The following HSD17B12 variants were observed in gnomAD, a reference collection of about 807,000 sequenced individuals.
The protein encoded by HSD17B12 is very-long-chain 3-oxoacyl-CoA reductase.
Under a neutral mutation model 39.3 loss-of-function variants are expected in HSD17B12, and 32 were observed. That is an observed-to-expected ratio of 0.81 (90% CI 0.61 to 1.09). The LOEUF (loss-of-function observed/expected upper bound fraction) is 1.09, where lower values mean the gene tolerates loss of function less well. HSD17B12 is among the 50% of genes least tolerant of loss of function. The pLI is 0.00. For synonymous variants in HSD17B12, 150 were observed against 146.7 expected, an observed-to-expected ratio of 1.02 and a Z score of -0.16; for missense variants, 342 against 382.9, an observed-to-expected ratio of 0.89 and a Z score of 0.89.
intron 1 of HSD17B12, chr11:43,733,791 G>A: frequency 9.9e-6 from 7 of 707,198 alleles, no homozygotes; most frequent in South Asian, 8.3e-5. Context: ...CCATTGGCAA[G>A]TTTGGCCTGG....
At chr11:43,599,369 G>A in the HSD17B12 span, among the ~76,000 whole-genome samples, 1 of 152,124 alleles carries the variant, frequency 6.6e-6, no homozygotes, top group Non-Finnish European at 1.5e-5. Context: ...TCTATAAGGA[G>A]ATTTTGAAGG....
At chr11:43,813,483 CT>C (rs1565098599) in intron 4 of HSD17B12, among the ~76,000 whole-genome samples, 5 of 151,994 alleles carry the variant, frequency 3.3e-5, no homozygotes, top group Non-Finnish European at 7.4e-5. Context: ...AATATTACAA[CT>C]TGGCAAAGCC....
intron 1 of HSD17B12, among the ~76,000 whole-genome samples, chr11:43,713,247 T>C (rs1221817803): frequency 6.6e-6 from 1 of 151,930 alleles, no homozygotes; most frequent in East Asian, 1.9e-4. Context: ...GTTATTTACA[T>C]TAGGTATATC....
At chr11:43,664,739 G>T in the HSD17B12 span, among the ~76,000 whole-genome samples, 1 of 152,134 alleles carries the variant, frequency 6.6e-6, no homozygotes, top group Non-Finnish European at 1.5e-5. Context: ...CCTAAGAGGG[G>T]TCCCTGCTCT....
At chr11:43,691,015 C>A (rs1949857468) in intron 1 of HSD17B12, among the ~76,000 whole-genome samples, 1 of 152,212 alleles carries the variant, frequency 6.6e-6, no homozygotes, top group South Asian at 2.1e-4. Context: ...AAAGACACTG[C>A]ATATTCCCTT....
intron 3 of HSD17B12, among the ~76,000 whole-genome samples, chr11:43,781,591 T>G (rs1950766338): frequency 6.6e-6 from 1 of 152,194 alleles, no homozygotes; most frequent in Non-Finnish European, 1.5e-5. Flanking sequence ...ATTATTTGAG[T>G]GTCATGGACC....
the HSD17B12 span, among the ~76,000 whole-genome samples, chr11:43,597,275 T>C: frequency 6.6e-6 from 1 of 152,198 alleles, no homozygotes; most frequent in Admixed American, 6.5e-5. Context: ...ATTAAGGGTA[T>C]GTCTGGCTAT....
intron 1 of HSD17B12, among the ~76,000 whole-genome samples, chr11:43,693,218 T>C (rs2863002): frequency 0.37 from 56,073 of 152,052 alleles, 11,756 homozygotes; most frequent in East Asian, 0.72. Context: ...AAAGCAACGA[T>C]AGGAGCGATG....
the HSD17B12 span, among the ~76,000 whole-genome samples, chr11:43,631,539 C>G: frequency 3.3e-5 from 5 of 152,040 alleles, no homozygotes; most frequent in African/African-American, 1.2e-4. Flanking sequence ...TGTTCTCTCT[C>G]TCTGTGTGTG....
intron 1 of HSD17B12, among the ~76,000 whole-genome samples, chr11:43,706,449 A>T: frequency 6.6e-6 from 1 of 152,134 alleles, no homozygotes; most frequent in Non-Finnish European, 1.5e-5. Flanking sequence ...AGGCTGAGGT[A>T]GAAGCATTGC....
the HSD17B12 span, among the ~76,000 whole-genome samples, chr11:43,657,593 C>A: frequency 1.5e-4 from 23 of 152,258 alleles, no homozygotes; most frequent in African/African-American, 5.5e-4. Flanking sequence ...TTAGGGCAGG[C>A]CTGGTGGTGA....
the HSD17B12 span, among the ~76,000 whole-genome samples, chr11:43,596,036 C>T: frequency 6.6e-6 from 1 of 152,134 alleles, no homozygotes; most frequent in Admixed American, 6.5e-5. Flanking sequence ...CCCAAACTCC[C>T]CATTCTTTGT....
At chr11:43,825,651 C>G (rs532703181) in intron 6 of HSD17B12, among the ~76,000 whole-genome samples, 2 of 152,186 alleles carry the variant, frequency 1.3e-5, no homozygotes, top group Non-Finnish European at 2.9e-5. Flanking sequence ...AATAGCTAGT[C>G]TTTTAATTCA....
At chr11:43,760,227 TTTC>T (rs984657407) in intron 3 of HSD17B12, among the ~76,000 whole-genome samples, 1 of 152,082 alleles carries the variant, frequency 6.6e-6, no homozygotes, top group Non-Finnish European at 1.5e-5. Context: ...TTCTTGTATT[TTTC>T]GCAGAAACAG....
the HSD17B12 span, among the ~76,000 whole-genome samples, chr11:43,634,321 C>T: frequency 6.6e-6 from 1 of 151,962 alleles, no homozygotes; most frequent in South Asian, 2.1e-4. Context: ...AAACTCTAGT[C>T]CTCCCACCAA....
At chr11:43,579,876 T>TGC in the HSD17B12 span, among the ~76,000 whole-genome samples, 194 of 151,678 alleles carry the variant, frequency 1.3e-3, no homozygotes, top group Non-Finnish European at 2.1e-3. Flanking sequence ...GGAGTGTGTG[T>TGC]GCGCGCGCGC....
the HSD17B12 span, among the ~76,000 whole-genome samples, chr11:43,650,223 T>G: frequency 1.3e-5 from 2 of 152,204 alleles, no homozygotes; most frequent in Non-Finnish European, 2.9e-5. Flanking sequence ...AAGGAACTAG[T>G]ATCTACAATA....
chr11:43,599,553 C>A, the HSD17B12 span, among the ~76,000 whole-genome samples: 1 of 152,096 alleles, frequency 6.6e-6, no homozygotes, highest in Middle Eastern at 3.2e-3. Context: ...AGTTATTTTT[C>A]CTGATCCTCT....
chr11:43,824,696 A>G (rs969317840), intron 6 of HSD17B12, among the ~76,000 whole-genome samples: 1 of 152,106 alleles, frequency 6.6e-6, no homozygotes, highest in Admixed American at 6.5e-5. Context: ...TTGAACATAC[A>G]AGTTTTGGAG....
Sources: allele counts gnomAD v4.1 joint callset (sites outside exome capture counted in the v4.1 genomes callset), GRCh38; gene constraint gnomAD v4.1.1; transcripts MANE v1.5; gene names NCBI Gene and HGNC (gene_info 2026-07-23, HGNC 2026-07-21).